NSD2: variants seen among roughly 807,000 people sequenced by gnomAD.
The protein encoded by NSD2 is nuclear receptor binding SET domain protein 2.
In NSD2, 12 loss-of-function variants were observed where a neutral mutation model predicts 139.0. The observed-to-expected ratio is 0.09, with a 90% CI of 0.06 to 0.14. The LOEUF is 0.14. Ranked by LOEUF, NSD2 falls within the 10% of genes least tolerant of loss-of-function variation. NSD2 has a pLI of 1.00. For synonymous variants in NSD2, 669 were observed against 648.7 expected (o/e 1.03, Z -0.48); for missense variants, 1,155 against 1,745.0 (o/e 0.66, Z 6.02).
rs1399779362 is a variant in NSD2 at position 1,915,141 on chromosome 4, A to T, written c.761-1730A>T. Among the ~76,000 whole-genome samples, 16 of 100,338 alleles carry T rather than the reference A, an allele frequency of 1.6e-4. No individual in the cohort carries two copies. The Admixed American group carries it at 2.2e-3, about 14-fold the overall frequency. The allele number at this position is 100,338 out of a possible 152,430, so 65.8% of individuals were successfully genotyped here. A position where few individuals can be genotyped will look rare whatever the true frequency, so the allele number is the denominator to read the frequency against. On this transcript the variant is annotated intron_variant, in intron 3 of 21. Transcript: ENST00000508803. ...TTTTTTTTTTTTTTTTTTGAGACGG[A>T]GTCTGGCTCTGTTGCCCAGGCTGGA...
Position 1,958,721 on chromosome 4 carries a change from C to T in NSD2, c.2985+685C>T, listed in dbSNP as rs931858584. ...TGTAAAGAAAGTGCTCTGTATTCATCTTTATATAATATTTTCTTTGGGATG... is the reference window on the plus strand; with the variant it reads ...TGTAAAGAAAGTGCTCTGTATTCATTTTTATATAATATTTTCTTTGGGATG... On this transcript the variant is annotated intron_variant, in intron 16 of 21. Transcript: ENST00000508803. The surrounding 1 kb of genome is among the most constrained non-coding windows in gnomAD (Gnocchi z 4.6). 6.6e-6 allele frequency among the ~76,000 whole-genome samples: 1 copy of T among 152,220 alleles called. No homozygotes were observed.
chr4:1,965,113 G>T (rs1190425463), intron 18 of NSD2, among the ~76,000 whole-genome samples: 1 of 146,608 alleles, frequency 6.8e-6, no homozygotes, highest in East Asian at 2.0e-4. Flanking sequence ...CATTTAAAGG[G>T]AAAACAAAAT....
chr4:1,935,127 C>A lies in NSD2; in HGVS notation c.1556-17C>A, dbSNP rs757014062. 1.3e-6 allele frequency: 2 copies of A among 1,593,954 alleles called. No homozygotes were observed. The highest frequency in any genetic ancestry group is 2.7e-5 in the African/African-American group (2 of 73,904). On this transcript the variant is annotated splice_polypyrimidine_tract_variant and intron_variant, in intron 6 of 21. Transcript: ENST00000508803. ...GGAGTGGTTTTCATGTACATTTTCC[C>A]CATTCCCCATTCCAAGGTAATGTAA...
intron 1 of NSD2, among the ~76,000 whole-genome samples, chr4:1,880,335 C>G (rs898549188): frequency 7.2e-5 from 11 of 151,796 alleles, no homozygotes; most frequent in African/African-American, 2.7e-4. Flanking sequence ...ACCTCTGATT[C>G]TGTACCCTGG....
In NSD2 at chr4:1,962,824, C is replaced by T. The variant is rs571972104; in HGVS notation, c.3372+1673C>T. On this transcript the variant is annotated intron_variant, in intron 18 of 21. Transcript: ENST00000508803. ...TATCTGGGACTACAGGAACATGCCA[C>T]CACACCTGGCTGATGAAATTTTTTT... Among the ~76,000 whole-genome samples the T allele has an allele frequency of 2.6e-5, 4 of 152,276 alleles. No individual in the cohort carries two copies. In the East Asian group the frequency reaches 7.7e-4, roughly 29 times the overall value.
At position 1,942,913 on chromosome 4, in the gene NSD2, GT is replaced by G. The variant is rs1723246723; in HGVS notation, c.1881+3139del. On this transcript the variant is annotated intron_variant, in intron 9 of 21. Transcript: ENST00000508803. This position sits in a 1 kb window ranked among gnomAD's most constrained non-coding sequence, Gnocchi z 4.0. ...ATTTCCAACATAAGAGGCAGGAAGA[GT>G]TTTGATTCTATCCTTTTTTACTAAA... 1.9e-6 allele frequency: 2 copies of G among 1,057,368 alleles called. No homozygotes were observed. Among genetic ancestry groups the G allele is most frequent in the Non-Finnish European group, 2.3e-6 (2 of 874,532 alleles). The allele number at this position is 1,057,368 out of a possible 1,614,324, so 65.5% of individuals were successfully genotyped here.
At chr4:1,890,862 G>T (rs566273763) in intron 1 of NSD2, among the ~76,000 whole-genome samples, 29 of 152,180 alleles carry the variant, frequency 1.9e-4, no homozygotes, top group African/African-American at 7.0e-4. Context: ...CTCCCAAAGT[G>T]CTGGGATTAC....
chr4:1,909,312 T>G (rs1718359069), intron 3 of NSD2, among the ~76,000 whole-genome samples: 1 of 152,018 alleles, frequency 6.6e-6, no homozygotes, highest in South Asian at 2.1e-4. Flanking sequence ...CCTAGGTTCT[T>G]TGAGTACAGA....
At chr4:1,919,853 T>A (rs1328123723) in intron 5 of NSD2, among the ~76,000 whole-genome samples, 2 of 151,986 alleles carry the variant, frequency 1.3e-5, no homozygotes, top group African/African-American at 4.8e-5. Flanking sequence ...GGAAAATTGC[T>A]TGAACCAGGG....
At chr4:1,911,147 G>A (rs1475035197) in intron 3 of NSD2, among the ~76,000 whole-genome samples, 2 of 152,040 alleles carry the variant, frequency 1.3e-5, no homozygotes, top group Non-Finnish European at 2.9e-5. Flanking sequence ...GTAGTCTAAT[G>A]GGCTGTGATG....
chr4:1,941,041 GAC>G, intron 9 of NSD2: 14 of 1,057,084 alleles, frequency 1.3e-5, no homozygotes, highest in Non-Finnish European at 1.6e-5. Context: ...GTGATGTTTG[GAC>G]ACACTGGAGA....
In NSD2 at chr4:1,958,641, G is replaced by T. The variant is rs1365577785; in HGVS notation, c.2985+605G>T. ...GTGTTTGTGATAAGTGTGTGCCGGA[G>T]GTCAGGTGCTCTGCCTTTGCTTGTA... On this transcript the variant is annotated intron_variant, in intron 16 of 21. Coordinates refer to ENST00000508803, the MANE Select transcript of NSD2 (RefSeq NM_001042424.3). The surrounding 1 kb of genome is among the most constrained non-coding windows in gnomAD (Gnocchi z 4.6). Among the ~76,000 whole-genome samples, 2 of 152,260 alleles carry T rather than the reference G, an allele frequency of 1.3e-5. No homozygotes were observed. The highest frequency in any genetic ancestry group is 6.5e-5 in the Admixed American group (1 of 15,288).
chr4:1,928,003 C>T (rs1479441105), intron 5 of NSD2, among the ~76,000 whole-genome samples: 2 of 152,048 alleles, frequency 1.3e-5, no homozygotes, highest in African/African-American at 4.8e-5. Flanking sequence ...GATGCTTCCA[C>T]CTCCACTTCC....
chr4:1,923,282 C>T (rs1720401044), intron 5 of NSD2, among the ~76,000 whole-genome samples: 1 of 145,710 alleles, frequency 6.9e-6, no homozygotes, highest in African/African-American at 2.6e-5. Context: ...TGAGCCACTG[C>T]ACCACTTCAG....
chr4:1,949,423 G>A (rs1453707211), intron 9 of NSD2, among the ~76,000 whole-genome samples: 1 of 152,192 alleles, frequency 6.6e-6, no homozygotes, highest in African/African-American at 2.4e-5. Flanking sequence ...GCTCACATCT[G>A]TCACCACCCA....
chr4:1,873,499 C>T (rs571411142), intron 1 of NSD2, among the ~76,000 whole-genome samples: 1 of 152,312 alleles, frequency 6.6e-6, no homozygotes, highest in South Asian at 2.1e-4. Context: ...CAAACCAGTA[C>T]TTGCTGAAGT....
At chr4:1,943,985 A>G (rs1283183322) in intron 9 of NSD2, 1 of 1,065,306 alleles carries the variant, frequency 9.4e-7, no homozygotes, top group African/African-American at 1.6e-5. Flanking sequence ...AACCCTGCAA[A>G]TGACCAAATG....
Position 1,973,976 on chromosome 4 carries a change from C to T in NSD2, c.3373-887C>T, listed in dbSNP as rs1322155051. On this transcript the variant is annotated intron_variant, in intron 18 of 21. Transcript: ENST00000508803. The surrounding 1 kb of genome is among the most constrained non-coding windows in gnomAD (Gnocchi z 5.5). ...TCCAGGCACCTGGATTTGAGTGGGTCAGTTCTAGGCCACATCGTGCTTGCA... is the reference window on the plus strand; with the variant it reads ...TCCAGGCACCTGGATTTGAGTGGGTTAGTTCTAGGCCACATCGTGCTTGCA... Among the ~76,000 whole-genome samples, 1 of 152,080 alleles carries T rather than the reference C, an allele frequency of 6.6e-6. No individual in the cohort carries two copies. The highest frequency in any genetic ancestry group is 1.5e-5 in the Non-Finnish European group (1 of 68,016).
chr4:1,944,707 A>G (rs892319944), intron 9 of NSD2: 68 of 1,064,668 alleles, frequency 6.4e-5, no homozygotes, highest in Non-Finnish European at 7.2e-5. Context: ...TGTTTTTCTA[A>G]GACTGATCTG....
Sources: allele counts gnomAD v4.1 joint callset (sites outside exome capture counted in the v4.1 genomes callset), GRCh38; gene constraint gnomAD v4.1.1; non-coding constraint Gnocchi (gnomAD v3.1); transcripts MANE v1.5; gene names NCBI Gene and HGNC (gene_info 2026-07-23, HGNC 2026-07-21).